The following GTF3C3 variants were observed in gnomAD, a reference collection of about 807,000 sequenced individuals.
GTF3C3 encodes the protein general transcription factor 3C polypeptide 3.
In GTF3C3, 75 loss-of-function variants were observed where a neutral mutation model predicts 105.2. The observed-to-expected ratio is 0.71, with a 90% CI of 0.59 to 0.86. GTF3C3 has a LOEUF of 0.86. GTF3C3 is among the 40% of genes least tolerant of loss of function. The probability of loss-of-function intolerance (pLI) is 0.00; values close to 1 mark genes in which losing one functional copy is unlikely to be tolerated. For missense variants in GTF3C3, 856 were observed against 1,076.5 expected, an observed-to-expected ratio of 0.80 and a Z score of 2.87; for synonymous variants, 335 against 370.4, an observed-to-expected ratio of 0.90 and a Z score of 1.10.
chr2:196,776,697 C>A lies in GTF3C3; in HGVS notation c.1391-68G>T. ...TTGTAAACTGGCCACAATTACTCTT[C>A]CATTTTAAAAGAAATATAGCAATAT... On this transcript the variant is annotated intron_variant, in intron 10 of 17. Transcript: ENST00000263956. This position sits in a 1 kb window ranked among gnomAD's most constrained non-coding sequence, Gnocchi z 4.5. The A allele has an allele frequency of 2.8e-6, 3 of 1,078,328 alleles. No individual in the cohort carries two copies. The highest frequency in any genetic ancestry group is 4.1e-6 in the Non-Finnish European group (3 of 723,512). The allele number at this position is 1,078,328 out of a possible 1,614,324, so 66.8% of individuals were successfully genotyped here.
chr2:196,785,405 G>A (rs1576030274), intron 7 of GTF3C3, 36 bp downstream of exon 7: 2 of 1,289,904 alleles, frequency 1.6e-6, no homozygotes, highest in Admixed American at 2.3e-5. Flanking sequence ...AGAAACACAT[G>A]CAAAACTTAA....
chr2:196,791,441 T>C lies in GTF3C3; in HGVS notation c.431A>G (p.Lys144Arg). 1 of 1,613,720 alleles carries C rather than the reference T, an allele frequency of 6.2e-7. No homozygotes were observed. Among genetic ancestry groups the C allele is most frequent in the Non-Finnish European group, 8.5e-7 (1 of 1,179,722 alleles). The change falls in exon 4 of 18, where the codon AAA becomes AGA. Residue 144 changes from lysine to arginine, a missense_variant. This residue lies in a region of GTF3C3 where 605 missense variants were observed against 833.6 expected (regional missense o/e 0.73). Transcript: ENST00000263956. ...KMMKEKRPRS[K>R]LPRALRGLMG... Reference sequence around the variant, plus strand: ...GAGACCTCTCAGAGCTCTGGGAAGTTTACTCCGAGGCCTTTTCTCCTGTAT... The same window carrying C: ...GAGACCTCTCAGAGCTCTGGGAAGTCTACTCCGAGGCCTTTTCTCCTGTAT...
chr2:196,789,110 C>A, intron 6 of GTF3C3, 94 bp downstream of exon 6: 1 of 1,089,740 alleles, frequency 9.2e-7, no homozygotes, highest in Non-Finnish European at 1.3e-6. Context: ...ACTTCTTGAA[C>A]TTCAATGAAA....
At chr2:196,787,464 C>G (rs1000632797) in intron 6 of GTF3C3, among the ~76,000 whole-genome samples, 7 of 152,186 alleles carry the variant, frequency 4.6e-5, no homozygotes, top group Non-Finnish European at 7.4e-5. Flanking sequence ...CACTGCTCCC[C>G]TTAATTCTTC....
At chr2:196,791,585 G>A (rs1207606495) in intron 3 of GTF3C3, 125 bp from the exon 4 acceptor site, 2 of 768,336 alleles carry the variant, frequency 2.6e-6, no homozygotes, top group South Asian at 2.1e-5. Context: ...TTCAGTTTTT[G>A]CAACCCAGAA....
intron 8 of GTF3C3, among the ~76,000 whole-genome samples, chr2:196,781,357 A>AAAAAAAAAAAAAAAAAATATAT: frequency 3.2e-4 from 6 of 18,816 alleles, no homozygotes; most frequent in Non-Finnish European, 7.4e-4. Context: ...AAAAAAAAAA[A>AAAAAAAAAAAAAAAAAATATAT]ATATATATAT....
intron 13 of GTF3C3, chr2:196,773,731 G>T: frequency 5.1e-6 from 2 of 394,024 alleles, no homozygotes; most frequent in African/African-American, 2.1e-5. Context: ...TACCATCTGG[G>T]GGTGATGGGA....
At chr2:196,782,492 C>CA (rs1344297832) in intron 8 of GTF3C3, among the ~76,000 whole-genome samples, 1 of 152,130 alleles carries the variant, frequency 6.6e-6, no homozygotes, top group African/African-American at 2.4e-5. Flanking sequence ...ATGCATAGGT[C>CA]AAAAACCCTG....
At chr2:196,766,058 A>AT (rs1233658776) in intron 17 of GTF3C3, among the ~76,000 whole-genome samples, 3 of 151,190 alleles carry the variant, frequency 2.0e-5, no homozygotes, top group Non-Finnish European at 4.4e-5. Context: ...AGGAGGGATT[A>AT]TGAGTTTTAA....
chr2:196,774,448 C>T (rs1699228169), intron 13 of GTF3C3, among the ~76,000 whole-genome samples: 1 of 152,124 alleles, frequency 6.6e-6, no homozygotes, highest in Non-Finnish European at 1.5e-5. Context: ...TTGCATGTAA[C>T]ATAAAAAGGC....
chr2:196,785,728 T>C (rs1559303341), intron 6 of GTF3C3, 140 bp from the exon 7 acceptor site: 1 of 595,276 alleles, frequency 1.7e-6, no homozygotes. Flanking sequence ...CTTAAAATCG[T>C]AATCAGAACT....
chr2:196,768,093 T>C (rs901239088), intron 16 of GTF3C3, among the ~76,000 whole-genome samples: 5 of 152,112 alleles, frequency 3.3e-5, no homozygotes, highest in African/African-American at 7.2e-5. Context: ...TCTCAGCTCA[T>C]TGCAACCTCC....
Position 196,793,127 on chromosome 2 carries a change from C to A in GTF3C3, c.240G>T (p.Lys80Asn), listed in dbSNP as rs145659364. 1.2e-6 allele frequency: 2 copies of A among 1,612,374 alleles called. No homozygotes were observed. Among genetic ancestry groups the A allele is most frequent in the African/African-American group, 2.7e-5 (2 of 74,974 alleles). The change falls in exon 3 of 18, where the codon AAG becomes AAT. Residue 80 changes from lysine to asparagine, a missense_variant. This residue lies in a region of GTF3C3 where 117 missense variants were observed against 114.0 expected (regional missense o/e 1.03). Transcript: ENST00000263956. ...TGGAAGCAAAGACCTTGTGAACTGACTTCCTCACTCCATCTGATGTTTCTC... is the reference window on the plus strand; with the variant it reads ...TGGAAGCAAAGACCTTGTGAACTGAATTCCTCACTCCATCTGATGTTTCTC... ...NEGETSDGVR[K>N]SVHKVFASML...
chr2:196,780,618 C>A lies in GTF3C3; in HGVS notation c.1159G>T (p.Asp387Tyr). Residue 387 changes from aspartate (D) to tyrosine (Y), a missense_variant, in exon 9 of 18, where the codon GAT becomes TAT. Asp to Tyr is a radical substitution (Grantham distance 160). This residue lies in a region of GTF3C3 where 605 missense variants were observed against 833.6 expected (regional missense o/e 0.73). Coordinates refer to ENST00000263956, the MANE Select transcript of GTF3C3 (RefSeq NM_012086.5). ...CAGACCATCAACTTCACTGTGATATCTATTGGCACGCCATCAGGTATAGTG... is the reference window on the plus strand; with the variant it reads ...CAGACCATCAACTTCACTGTGATATATATTGGCACGCCATCAGGTATAGTG... ...TCTIPDGVPI[D>Y]ITVKLMVCLV... The A allele has an allele frequency of 6.2e-7, 1 of 1,613,468 alleles. No homozygotes were observed. Among genetic ancestry groups the A allele is most frequent in the Non-Finnish European group, 8.5e-7 (1 of 1,179,570 alleles).
At chr2:196,782,232 C>T (rs907004368) in intron 8 of GTF3C3, among the ~76,000 whole-genome samples, 1 of 152,166 alleles carries the variant, frequency 6.6e-6, no homozygotes, top group Non-Finnish European at 1.5e-5. Context: ...AAGGCACCAT[C>T]TATGAGAAAA....
intron 1 of GTF3C3, among the ~76,000 whole-genome samples, chr2:196,798,118 A>G (rs1699677512): frequency 6.6e-6 from 1 of 152,198 alleles, no homozygotes; most frequent in Non-Finnish European, 1.5e-5. Context: ...TCTAAATTTG[A>G]ATACTGTCAA....
In GTF3C3 at chr2:196,797,906, ACT is replaced by A; in HGVS notation, c.103_104del (p.Leu36SerfsTer9). On this transcript the variant is annotated frameshift_variant and splice_region_variant, in exon 2 of 18. Coordinates refer to ENST00000263956, the MANE Select transcript of GTF3C3 (RefSeq NM_012086.5). LOFTEE classifies it high-confidence loss of function. The stretch of plus-strand genomic sequence containing the variant: ...CTGATAACTTGCCTTTTTCCTGAAG[ACT>A]CTGTGATTGCAAATTAATTAATGAT... Reference protein sequence around the residue: ...REERKTREKKSLQEKGKLSAE... With the variant: ...REERKTREKKXLQEKGKLSAE... 6.5e-7 allele frequency: 1 copy of A among 1,537,518 alleles called. No individual in the cohort carries two copies. The highest frequency in any genetic ancestry group is 9.0e-7 in the Non-Finnish European group (1 of 1,110,248).
chr2:196,768,782 T>C (rs978381126), intron 16 of GTF3C3, among the ~76,000 whole-genome samples: 1 of 152,168 alleles, frequency 6.6e-6, no homozygotes, highest in African/African-American at 2.4e-5. Context: ...TTAGCTTCCA[T>C]ATTACTTTGA....
intron 2 of GTF3C3, among the ~76,000 whole-genome samples, chr2:196,794,731 A>AG (rs766713684): frequency 1.4e-5 from 2 of 146,712 alleles, no homozygotes; most frequent in Non-Finnish European, 1.5e-5. Flanking sequence ...CACTGAGCCC[A>AG]GCCAAAAACT....
Sources: allele counts gnomAD v4.1 joint callset (sites outside exome capture counted in the v4.1 genomes callset), GRCh38; gene constraint gnomAD v4.1.1; regional missense constraint gnomAD v4.1.1; non-coding constraint Gnocchi (gnomAD v3.1); transcripts MANE v1.5; gene names NCBI Gene and HGNC (gene_info 2026-07-23, HGNC 2026-07-21).